Variants in POU6F2 observed in about 807,000 individuals in gnomAD.
POU6F2 encodes POU domain, class 6, transcription factor 2.
A neutral mutation model predicts 71.3 loss-of-function variants in POU6F2; 31 were observed. The observed-to-expected ratio is 0.43, with a 90% CI of 0.33 to 0.59. The LOEUF (loss-of-function observed/expected upper bound fraction) is 0.59, where lower values mean the gene tolerates loss of function less well. Among genes scored for constraint, POU6F2 ranks in the 20% least tolerant of loss-of-function variants. The pLI, the probability that POU6F2 is intolerant of heterozygous loss-of-function variation, is 0.04. For missense variants in POU6F2, 783 were observed against 856.8 expected, an observed-to-expected ratio of 0.91 and a Z score of 1.07; for synonymous variants, 347 against 355.7, an observed-to-expected ratio of 0.98 and a Z score of 0.27.
At chr7:39,107,393 AT>A (rs934065806) in intron 2 of POU6F2, among the ~76,000 whole-genome samples, 1 of 151,992 alleles carries the variant, frequency 6.6e-6, no homozygotes, top group African/African-American at 2.4e-5. Flanking sequence ...CACCAGTATT[AT>A]TTTTTCCCAT....
chr7:39,160,859 T>G (rs1792980080), intron 2 of POU6F2, among the ~76,000 whole-genome samples: 1 of 152,194 alleles, frequency 6.6e-6, no homozygotes, highest in African/African-American at 2.4e-5. Context: ...GTCAGTGACT[T>G]GCTAAGTGAG....
intron 4 of POU6F2, among the ~76,000 whole-genome samples, chr7:39,337,317 C>G (rs1271944948): frequency 3.3e-5 from 5 of 152,042 alleles, no homozygotes. Context: ...TCTGTGTATC[C>G]CTTTTCCTTT....
At chr7:39,150,116 C>T (rs976368510) in intron 2 of POU6F2, among the ~76,000 whole-genome samples, 5 of 152,132 alleles carry the variant, frequency 3.3e-5, no homozygotes, top group African/African-American at 1.2e-4. Flanking sequence ...CAATCTCGAT[C>T]TCCTGACCTC....
intron 5 of POU6F2, among the ~76,000 whole-genome samples, chr7:39,368,488 A>G (rs1786549432): frequency 6.6e-6 from 1 of 152,274 alleles, no homozygotes; most frequent in Non-Finnish European, 1.5e-5. Context: ...AAGGCGAAGC[A>G]GCAAGTGCTG....
intron 4 of POU6F2, among the ~76,000 whole-genome samples, chr7:39,229,337 G>C (rs544619898): frequency 2.6e-5 from 4 of 152,176 alleles, no homozygotes; most frequent in Non-Finnish European, 4.4e-5. Flanking sequence ...TCCCGACCTC[G>C]GACTTTCCTT....
Position 39,207,375 on chromosome 7 carries a change from T to G in POU6F2, c.370-17T>G. The G allele has an allele frequency of 6.2e-7, 1 of 1,611,618 alleles. No homozygotes were observed. The highest frequency in any genetic ancestry group is 1.1e-5 in the South Asian group (1 of 90,982). ...GTTCCACAGGAAAGTGAGCTAGCTG[T>G]ATCTGTTTCCTTGCAGCCACTTCTG... On this transcript the variant is annotated splice_polypyrimidine_tract_variant and intron_variant, in intron 3 of 9. Coordinates refer to ENST00000518318, the MANE Select transcript of POU6F2 (RefSeq NM_001370959.1).
At chr7:39,104,069 G>A (rs964172857) in intron 2 of POU6F2, among the ~76,000 whole-genome samples, 6 of 152,314 alleles carry the variant, frequency 3.9e-5, no homozygotes, top group East Asian at 1.9e-4. Context: ...AGATAGGCTC[G>A]AAATTCTGGA....
chr7:39,197,375 G>T (rs1793809388), intron 2 of POU6F2, among the ~76,000 whole-genome samples: 1 of 152,260 alleles, frequency 6.6e-6, no homozygotes, highest in Non-Finnish European at 1.5e-5. Context: ...ATAGGTTGGG[G>T]TGGTGCCTTG....
At chr7:39,292,821 G>A (rs1426295024) in intron 4 of POU6F2, among the ~76,000 whole-genome samples, 1 of 152,128 alleles carries the variant, frequency 6.6e-6, no homozygotes, top group Non-Finnish European at 1.5e-5. Context: ...GGAACGTTAA[G>A]CTGTTTTCCT....
chr7:39,352,454 A>G (rs893401665), intron 5 of POU6F2, among the ~76,000 whole-genome samples: 2 of 152,198 alleles, frequency 1.3e-5, no homozygotes, highest in African/African-American at 2.4e-5. Context: ...AAAACACAAG[A>G]TACATGCAAA....
rs5883669 is a variant in POU6F2 at position 38,996,035 on chromosome 7, CTTTTT to C, written c.105+17995_105+17999del. ...TGAAGCTCCTTAGTAAGGGGCTTGG[CTTTTT>C]TTTTTTTTTTTTTTTTTAGACAGAA... On this transcript the variant is annotated intron_variant, in intron 1 of 9. Transcript: ENST00000518318. Among the ~76,000 whole-genome samples the C allele has an allele frequency of 1.4e-4, 12 of 85,368 alleles. No individual in the cohort carries two copies. The East Asian group carries it at 4.8e-3, about 35-fold the overall frequency. The allele number at this position is 85,368 out of a possible 152,430, so 56.0% of individuals were successfully genotyped here.
chr7:39,073,782 G>A (rs1790939520), intron 1 of POU6F2, among the ~76,000 whole-genome samples: 1 of 152,244 alleles, frequency 6.6e-6, no homozygotes, highest in Admixed American at 6.5e-5. Flanking sequence ...GCAGTTCCCA[G>A]CGTGTGCTAT....
In POU6F2 at chr7:39,451,544, C is replaced by G; in HGVS notation, c.1332C>G (p.Pro444=). The change falls in exon 8 of 10, where the codon CCC becomes CCG. Residue 444 remains proline, a synonymous_variant. Transcript: ENST00000518318. The part of the protein sequence containing the change: ...PIKPGQQLHQ[P]SQTSVGQAAS... ...ATCCCCTCATGTAGCTCCACCAACCCTCCCAGACGTCAGTGGGTCAAGCAG... is the reference window on the plus strand; with the variant it reads ...ATCCCCTCATGTAGCTCCACCAACCGTCCCAGACGTCAGTGGGTCAAGCAG... The G allele has an allele frequency of 6.2e-7, 1 of 1,613,068 alleles. No individual in the cohort carries two copies. The highest frequency in any genetic ancestry group is 8.5e-7 in the Non-Finnish European group (1 of 1,179,322).
At chr7:39,213,776 C>G (rs747132017) in intron 4 of POU6F2, among the ~76,000 whole-genome samples, 2 of 152,176 alleles carry the variant, frequency 1.3e-5, no homozygotes, top group African/African-American at 2.4e-5. Context: ...TTTTGTTTAT[C>G]TATGACCATT....
At chr7:39,178,983 G>A (rs535725844) in intron 2 of POU6F2, among the ~76,000 whole-genome samples, 89 of 152,256 alleles carry the variant, frequency 5.8e-4, no homozygotes, top group Non-Finnish European at 1.0e-3. Flanking sequence ...GGGATGAGAC[G>A]TGACGGTTTT....
At chr7:39,263,929 A>C (rs191852526) in intron 4 of POU6F2, among the ~76,000 whole-genome samples, 3 of 152,352 alleles carry the variant, frequency 2.0e-5, no homozygotes, top group Non-Finnish European at 2.9e-5. Context: ...AGATGTGTGC[A>C]TGGCCATTTC....
intron 1 of POU6F2, among the ~76,000 whole-genome samples, chr7:38,995,315 C>T (rs1788706147): frequency 6.6e-6 from 1 of 152,202 alleles, no homozygotes; most frequent in Admixed American, 6.5e-5. Flanking sequence ...ACCTCTGAAA[C>T]TTGTCCTTCT....
intron 1 of POU6F2, among the ~76,000 whole-genome samples, chr7:39,079,180 CTTTTTTTTTT>C (rs1162865518): frequency 2.5e-5 from 2 of 79,306 alleles, no homozygotes; most frequent in African/African-American, 5.3e-5. Context: ...CTCACAATAT[CTTTTTTTTTT>C]TTTTTTTTTT....
chr7:39,264,051 G>T (rs1211966836), intron 4 of POU6F2, among the ~76,000 whole-genome samples: 1 of 152,094 alleles, frequency 6.6e-6, no homozygotes, highest in Non-Finnish European at 1.5e-5. Flanking sequence ...ACTTCTTGAC[G>T]GTCTCAAGGC....
Sources: allele counts gnomAD v4.1 joint callset (sites outside exome capture counted in the v4.1 genomes callset), GRCh38; gene constraint gnomAD v4.1.1; transcripts MANE v1.5; gene names NCBI Gene and HGNC (gene_info 2026-07-23, HGNC 2026-07-21).